Variants in GALNT13 observed in about 807,000 individuals in gnomAD.
GALNT13 encodes UDP-GalNAc:polypeptide N-acetylgalactosaminyltransferase 13.
In GALNT13, 28 loss-of-function variants were observed where a neutral mutation model predicts 64.2. That is an observed-to-expected ratio of 0.44 (90% CI 0.32 to 0.60). The LOEUF is 0.60. GALNT13 is among the 20% of genes least tolerant of loss of function. The pLI, the probability that GALNT13 is intolerant of heterozygous loss-of-function variation, is 0.05. For synonymous variants in GALNT13, 214 were observed against 224.6 expected (o/e 0.95, Z 0.42); for missense variants, 577 against 669.8 (o/e 0.86, Z 1.53).
chr2:154,078,375 A>G (rs1701097780), intron 3 of GALNT13, among the ~76,000 whole-genome samples: 1 of 151,580 alleles, frequency 6.6e-6, no homozygotes, highest in Non-Finnish European at 1.5e-5. Context: ...GTATATGCAC[A>G]TATTTTCTTC....
the GALNT13 span, among the ~76,000 whole-genome samples, chr2:153,081,547 T>C: frequency 0.39 from 58,737 of 152,074 alleles, 13,889 homozygotes; most frequent in East Asian, 0.6. Context: ...GTAACCATCC[T>C]TCCACTCTCT....
rs569478701 is a variant in GALNT13 at position 154,102,066 on chromosome 2, T to G, written c.143-38271T>G. Among the ~76,000 whole-genome samples, 5 of 152,316 alleles carry G rather than the reference T, an allele frequency of 3.3e-5. No homozygotes were observed. The South Asian group carries it at 1.0e-3, about 32-fold the overall frequency. On this transcript the variant is annotated intron_variant, in intron 3 of 12. Coordinates refer to ENST00000392825, the MANE Select transcript of GALNT13 (RefSeq NM_052917.4). Reference sequence around the variant, plus strand: ...AAGACTTGCTTTATTGCCAGGTATATGGTCAATTTTGAAAACTGTTACACA... The same window carrying G: ...AAGACTTGCTTTATTGCCAGGTATAGGGTCAATTTTGAAAACTGTTACACA...
the GALNT13 span, among the ~76,000 whole-genome samples, chr2:153,412,765 G>C: frequency 6.6e-6 from 1 of 152,104 alleles, no homozygotes; most frequent in Admixed American, 6.5e-5. Flanking sequence ...CAAATTTCTA[G>C]GGAGAGACTC....
the GALNT13 span, among the ~76,000 whole-genome samples, chr2:153,862,403 A>C: frequency 6.6e-6 from 1 of 152,102 alleles, no homozygotes; most frequent in Non-Finnish European, 1.5e-5. Context: ...CTATACTATA[A>C]ATTGTGAAGG....
rs1044856346 is a variant in GALNT13, at chr2:154,041,038, A to G, written c.142+96399A>G. On this transcript the variant is annotated intron_variant, in intron 3 of 12. Coordinates refer to ENST00000392825, the MANE Select transcript of GALNT13 (RefSeq NM_052917.4). ...AGTACTGCAGCTAAGGCATGGGATT[A>G]TATTGGTTTGGTTTGTTCATTAAAA... 1.1e-4 allele frequency among the ~76,000 whole-genome samples: 15 copies of G among 139,644 alleles called. 1 individual carries two copies. Among genetic ancestry groups the G allele is most frequent in the Non-Finnish European group, 1.6e-4 (10 of 60,812 alleles). The allele number at this position is 139,644 out of a possible 152,430, so 91.6% of individuals were successfully genotyped here.
chr2:154,170,613 A>G (rs902106408), intron 4 of GALNT13, among the ~76,000 whole-genome samples: 9 of 152,198 alleles, frequency 5.9e-5, no homozygotes, highest in African/African-American at 2.2e-4. Flanking sequence ...GCATAGTGCC[A>G]GATGTCACAA....
At chr2:153,509,414 C>T in the GALNT13 span, among the ~76,000 whole-genome samples, 1 of 152,234 alleles carries the variant, frequency 6.6e-6, no homozygotes, top group Non-Finnish European at 1.5e-5. Context: ...GCAGCGGCTG[C>T]TTCAGACGGG....
intron 9 of GALNT13, among the ~76,000 whole-genome samples, chr2:154,302,828 G>A: frequency 6.6e-6 from 1 of 152,096 alleles, no homozygotes; most frequent in East Asian, 1.9e-4. Flanking sequence ...AAGTATCATT[G>A]GTGGCCACCT....
chr2:154,213,580 TAA>T (rs1394072690), intron 4 of GALNT13, among the ~76,000 whole-genome samples: 2 of 146,254 alleles, frequency 1.4e-5, no homozygotes, highest in Non-Finnish European at 3.0e-5. Context: ...GAAGAATGAG[TAA>T]GAGAGACAGA....
At chr2:153,338,881 C>T in the GALNT13 span, among the ~76,000 whole-genome samples, 17 of 152,278 alleles carry the variant, frequency 1.1e-4, no homozygotes, top group Non-Finnish European at 2.2e-4. Context: ...GATGCGATAT[C>T]TGTCTTTCTG....
chr2:153,191,604 C>A, the GALNT13 span, among the ~76,000 whole-genome samples: 2 of 151,958 alleles, frequency 1.3e-5, no homozygotes, highest in Admixed American at 6.6e-5. Context: ...AAGTAGCCTC[C>A]CCTTTTCCAA....
In GALNT13 at chr2:154,452,029, G is replaced by T. The variant is rs188282650; in HGVS notation, c.*1478G>T. 1 of 152,178 alleles carries T rather than the reference G, an allele frequency of 6.6e-6. No homozygotes were observed. Among genetic ancestry groups the T allele is most frequent in the African/African-American group, 2.4e-5 (1 of 41,560 alleles). 9.4% of individuals were successfully genotyped at this position (152,178 alleles called of 1,614,324 possible). A position where few individuals can be genotyped will look rare whatever the true frequency, so the allele number is the denominator to read the frequency against. ...ACATACACTGCTTTATAATGAAAAT[G>T]AGGACACTTTCTGATGGTCAGTAAA... is the stretch of plus-strand genomic sequence containing the variant. On this transcript the variant is annotated 3_prime_UTR_variant, in exon 13 of 13. Coordinates refer to ENST00000392825, the MANE Select transcript of GALNT13 (RefSeq NM_052917.4).
chr2:154,169,027 A>T (rs138382784), intron 4 of GALNT13, among the ~76,000 whole-genome samples: 1 of 152,056 alleles, frequency 6.6e-6, no homozygotes, highest in African/African-American at 2.4e-5. Context: ...CAGAAAAGAC[A>T]AGAGAGAGAG....
chr2:153,973,950 T>C (rs1693910011), intron 3 of GALNT13, among the ~76,000 whole-genome samples: 2 of 151,992 alleles, frequency 1.3e-5, no homozygotes, highest in Non-Finnish European at 2.9e-5. Flanking sequence ...GAATGATCAT[T>C]TGTAATAGGT....
At chr2:154,238,597 T>C (rs1689317680) in intron 4 of GALNT13, among the ~76,000 whole-genome samples, 1 of 152,082 alleles carries the variant, frequency 6.6e-6, no homozygotes, top group Admixed American at 6.5e-5. Context: ...CTTGCTTATA[T>C]AAATATATGC....
At chr2:153,620,638 A>C in the GALNT13 span, among the ~76,000 whole-genome samples, 1 of 151,792 alleles carries the variant, frequency 6.6e-6, no homozygotes, top group Non-Finnish European at 1.5e-5. Context: ...TCTCTGTTAA[A>C]TTTATCTGAT....
intron 4 of GALNT13, among the ~76,000 whole-genome samples, chr2:154,152,802 C>G (rs542341171): frequency 8.5e-5 from 13 of 152,302 alleles, no homozygotes; most frequent in African/African-American, 2.6e-4. Flanking sequence ...AAGCACTTCT[C>G]TGTATTGGTT....
chr2:153,733,132 G>A, the GALNT13 span, among the ~76,000 whole-genome samples: 152 of 152,146 alleles, frequency 1.0e-3, no homozygotes, highest in African/African-American at 3.2e-3. Context: ...ACTTACCTTC[G>A]TATTTCTTGT....
chr2:153,354,303 G>T, the GALNT13 span: 1 of 152,206 alleles, frequency 6.6e-6, no homozygotes, highest in East Asian at 1.9e-4. Context: ...AAGAAGTGGA[G>T]ATCTTTTTCC....
Sources: allele counts gnomAD v4.1 joint callset (sites outside exome capture counted in the v4.1 genomes callset), GRCh38; gene constraint gnomAD v4.1.1; transcripts MANE v1.5; gene names NCBI Gene and HGNC (gene_info 2026-07-23, HGNC 2026-07-21).